SULT1A2: variants seen among roughly 807,000 people sequenced by gnomAD.
SULT1A2 encodes sulfotransferase family 1A member 2.
Under a neutral mutation model 36.0 loss-of-function variants are expected in SULT1A2, and 33 were observed. That is an observed-to-expected ratio of 0.92 (90% confidence interval 0.69 to 1.22). The LOEUF is 1.22. Ranked by LOEUF, SULT1A2 falls within the 50% of genes most tolerant of loss-of-function variation. The pLI is 0.00. For synonymous variants in SULT1A2, 138 were observed against 144.5 expected (o/e 0.96, Z 0.32); for missense variants, 367 against 383.2 (o/e 0.96, Z 0.35).
Position 28,592,243 on chromosome 16 carries a change from C to G in SULT1A2, c.775+20G>C. On this transcript the variant is annotated intron_variant, in intron 7 of 7. Transcript: ENST00000335715. ...TGCTGCTCCCACCTGCTCCAAACCCCCGTGCTGGCCGGCACCTACCTTTCC... is the reference window on the plus strand; with the variant it reads ...TGCTGCTCCCACCTGCTCCAAACCCGCGTGCTGGCCGGCACCTACCTTTCC... 6.2e-7 allele frequency: 1 copy of G among 1,613,980 alleles called. No individual in the cohort carries two copies. Among genetic ancestry groups the G allele is most frequent in the South Asian group, 1.1e-5 (1 of 91,072 alleles).
intron 6 of SULT1A2, 85 bp from the exon 7 acceptor site, chr16:28,592,528 G>C (rs1454183870): frequency 2.5e-6 from 4 of 1,597,620 alleles, no homozygotes; most frequent in African/African-American, 2.7e-5. Context: ...CCTCAGAGGG[G>C]AACTGGCCAC....
chr16:28,592,577 TG>T lies in SULT1A2; in HGVS notation c.595-135del, dbSNP rs1044278997. 9.3e-6 allele frequency: 14 copies of T among 1,508,262 alleles called. No homozygotes were observed. The African/African-American group carries it at 2.0e-4, about 21-fold the overall frequency. The allele number at this position is 1,508,262 out of a possible 1,614,324, so 93.4% of individuals were successfully genotyped here. ...CCCATAGAGCCAGCTCCTCGACCCC[TG>T]GGACCCCAGTCCCTGGGGCAAAATG... On this transcript the variant is annotated intron_variant, in intron 6 of 7. Coordinates refer to ENST00000335715, the MANE Select transcript of SULT1A2 (RefSeq NM_001054.4).
At chr16:28,595,326 G>C (rs757748926) in intron 4 of SULT1A2, 41 bp downstream of exon 4, 7 of 1,610,620 alleles carry the variant, frequency 4.3e-6, no homozygotes, top group Non-Finnish European at 5.9e-6. Context: ...GCCTCCCAAA[G>C]TACTGAGATT....
chr16:28,594,177 G>C (rs1212036720), intron 4 of SULT1A2, among the ~76,000 whole-genome samples: 1 of 144,046 alleles, frequency 6.9e-6, no homozygotes, highest in Admixed American at 7.2e-5. Flanking sequence ...CTTTTTTCCT[G>C]TTGCCCAGGT....
chr16:28,596,410 G>A, intron 1 of SULT1A2: 1 of 1,009,694 alleles, frequency 9.9e-7, no homozygotes, highest in Non-Finnish European at 1.2e-6. Flanking sequence ...CCTCACATGT[G>A]GCAACTCCTA....
Position 28,592,213 on chromosome 16 carries a change from C to G in SULT1A2, c.775+50G>C, listed in dbSNP as rs535816934. 75 of 1,613,436 alleles carry G rather than the reference C, an allele frequency of 4.6e-5. 1 individual carries two copies. Among genetic ancestry groups the G allele is most frequent in the East Asian group, 2.2e-4 (10 of 44,876 alleles). On this transcript the variant is annotated intron_variant, in intron 7 of 7. Transcript: ENST00000335715. Reference sequence around the variant, plus strand: ...GGCCCCGAGTGCCTATGGGGAGGCTCCAGCTGCTGCTCCCACCTGCTCCAA... The same window carrying G: ...GGCCCCGAGTGCCTATGGGGAGGCTGCAGCTGCTGCTCCCACCTGCTCCAA...
Position 28,592,028 on chromosome 16 carries a change from T to C in SULT1A2, c.888A>G (p.Ter296TrpextTer16), listed in dbSNP as rs139331793. 1 of 1,611,672 alleles carries C rather than the reference T, an allele frequency of 6.2e-7. No homozygotes were observed. The highest frequency in any genetic ancestry group is 1.3e-5 in the African/African-American group (1 of 74,876). Residue 296 changes from the stop codon to tryptophan (W), a stop_lost, in exon 8 of 8, where the codon TGA becomes TGG. Coordinates refer to ENST00000335715, the MANE Select transcript of SULT1A2 (RefSeq NM_001054.4). ...GCSLSFRSEL[*>W] ...TCTGCAGTGACTCCAGGAACCCCTC[T>C]CACAGCTCAGAGCGGAAGCTGAGGC...
In SULT1A2 at chr16:28,597,028, C is replaced by G; in HGVS notation, c.-36G>C. 2 of 1,283,084 alleles carry G rather than the reference C, an allele frequency of 1.6e-6. No homozygotes were observed. The highest frequency in any genetic ancestry group is 2.0e-6 in the Non-Finnish European group (2 of 983,316). 79.5% of individuals were successfully genotyped at this position (1,283,084 alleles called of 1,614,324 possible). On this transcript the variant is annotated 5_prime_UTR_variant, in exon 1 of 8. Transcript: ENST00000335715. The stretch of plus-strand genomic sequence containing the variant: ...TCTTGGGAACCTGGCCTTGTGCCCT[C>G]CTCGCCCGCAGTGGCTGAGTGTGGG...
intron 4 of SULT1A2, among the ~76,000 whole-genome samples, chr16:28,593,833 G>T (rs536888868): frequency 6.6e-6 from 1 of 152,104 alleles, no homozygotes; most frequent in Admixed American, 6.6e-5. Flanking sequence ...GCTCCACCAG[G>T]CATGTTCCCA....
Position 28,596,986 on chromosome 16 carries a change from G to A in SULT1A2, c.-5+11C>T, listed in dbSNP as rs1445244064. ...TGAGGGCGTCCTGGGCCATTCCGGT[G>A]TGTCACTCACCTGAGCTCTTGGGAA... On this transcript the variant is annotated intron_variant, in intron 1 of 7. Transcript: ENST00000335715. 2.4e-6 allele frequency: 3 copies of A among 1,266,428 alleles called. No homozygotes were observed. The highest frequency in any genetic ancestry group is 2.4e-5 in the Admixed American group (1 of 41,710). 78.4% of individuals were successfully genotyped at this position (1,266,428 alleles called of 1,614,324 possible).
rs766512896 is a variant in SULT1A2 at position 28,592,499 on chromosome 16, A to G, written c.595-56T>C. 4.3e-6 allele frequency: 7 copies of G among 1,613,372 alleles called. No homozygotes were observed. In the East Asian group the frequency reaches 1.6e-4, roughly 36 times the overall value. On this transcript the variant is annotated intron_variant, in intron 6 of 7. Coordinates refer to ENST00000335715, the MANE Select transcript of SULT1A2 (RefSeq NM_001054.4). ...TTGGATTGCTGATTCAGGAAAATAA[A>G]AGGGGTCCACTTCTCTAACCTCAGA...
intron 1 of SULT1A2, 145 bp from the exon 2 acceptor site, chr16:28,596,079 T>G: frequency 6.5e-7 from 1 of 1,531,800 alleles, no homozygotes; most frequent in Non-Finnish European, 8.8e-7. Flanking sequence ...GTGGCGGGGC[T>G]GGGGCTGAAA....
intron 4 of SULT1A2, among the ~76,000 whole-genome samples, chr16:28,594,578 G>A (rs565835642): frequency 1.1e-4 from 17 of 151,594 alleles, no homozygotes; most frequent in African/African-American, 3.4e-4. Flanking sequence ...TCAGCCTCCC[G>A]AGTAGCTGGG....
At chr16:28,596,319 C>T in intron 1 of SULT1A2, 1 of 1,159,942 alleles carries the variant, frequency 8.6e-7, no homozygotes, top group Non-Finnish European at 1.1e-6. Context: ...CGCCCTTTGT[C>T]TCACCATTTC....
intron 6 of SULT1A2, among the ~76,000 whole-genome samples, chr16:28,593,019 AAGT>A (rs929505582): frequency 9.9e-5 from 15 of 152,250 alleles, no homozygotes; most frequent in South Asian, 2.1e-4. Flanking sequence ...TCAAAAAAAA[AAGT>A]AGCTGATCCA....
At chr16:28,596,709 GT>G (rs1224112726) in intron 1 of SULT1A2, 2 of 229,160 alleles carry the variant, frequency 8.7e-6, no homozygotes, top group East Asian at 3.0e-4. Context: ...AGGCAGGATG[GT>G]GAGGGTCTGT....
At chr16:28,595,526 C>T in intron 3 of SULT1A2, 24 bp downstream of exon 3, 1 of 1,614,136 alleles carries the variant, frequency 6.2e-7, no homozygotes, top group African/African-American at 1.3e-5. Flanking sequence ...TCCTCCACTC[C>T]CCTTGCACCC....
intron 7 of SULT1A2, 56 bp from the exon 8 acceptor site, chr16:28,592,196 G>A: frequency 6.2e-7 from 1 of 1,613,662 alleles, no homozygotes; most frequent in Non-Finnish European, 8.5e-7. Context: ...GAGGCCCCGA[G>A]TGCCTATGGG....
intron 1 of SULT1A2, chr16:28,596,408 G>T: frequency 3.0e-6 from 3 of 1,014,938 alleles, no homozygotes; most frequent in Non-Finnish European, 3.7e-6. Flanking sequence ...CCCCTCACAT[G>T]TGGCAACTCC....
Sources: gnomAD v4.1 joint callset for allele counts (sites outside exome capture counted in the v4.1 genomes callset) on GRCh38, gnomAD v4.1.1 for gene constraint, MANE v1.5 for transcripts, NCBI Gene and HGNC (gene_info 2026-07-23, HGNC 2026-07-21) for gene names.